Variants in GAB2 observed in about 807,000 individuals in gnomAD.
GAB2 encodes GRB2 associated binding protein 2.
Under a neutral mutation model 65.5 loss-of-function variants are expected in GAB2, and 26 were observed. The observed-to-expected ratio is 0.40, with a 90% CI of 0.29 to 0.55. The LOEUF is 0.55. Among genes scored for constraint, GAB2 ranks in the 20% least tolerant of loss-of-function variants. The pLI, the probability that GAB2 is intolerant of heterozygous loss-of-function variation, is 0.53. For synonymous variants in GAB2, 321 were observed against 329.6 expected (o/e 0.97, Z 0.28); for missense variants, 884 against 875.8 (o/e 1.01, Z -0.12).
intron 1 of GAB2, among the ~76,000 whole-genome samples, chr11:78,290,321 C>A (rs1308874341): frequency 6.6e-6 from 1 of 152,142 alleles, no homozygotes; most frequent in Admixed American, 6.5e-5. Context: ...CAAGGGTATG[C>A]CACTCCCATC....
Position 78,219,023 on chromosome 11 carries a change from G to A in GAB2, c.*249C>T. 2 of 483,150 alleles carry A rather than the reference G, an allele frequency of 4.1e-6. No individual in the cohort carries two copies. The highest frequency in any genetic ancestry group is 5.5e-4 in the Middle Eastern group (1 of 1,826). 29.9% of individuals were successfully genotyped at this position (483,150 alleles called of 1,614,324 possible). A position where few individuals can be genotyped will look rare whatever the true frequency, so the allele number is the denominator to read the frequency against. On this transcript the variant is annotated 3_prime_UTR_variant, in exon 10 of 10. Coordinates refer to ENST00000361507, the MANE Select transcript of GAB2 (RefSeq NM_080491.3). ...CTTTTTGGAAGTAGCTCCTAACTAA[G>A]GTGGGTGGAGGCATGGCCATTACTG...
chr11:78,287,305 G>T (rs147189165), intron 1 of GAB2, among the ~76,000 whole-genome samples: 86 of 152,296 alleles, frequency 5.6e-4, no homozygotes, highest in African/African-American at 2.0e-3. Flanking sequence ...CTGAGGCAGG[G>T]TCTCACTCTG....
At chr11:78,363,740 A>G (rs1856463401) in intron 1 of GAB2, among the ~76,000 whole-genome samples, 1 of 151,922 alleles carries the variant, frequency 6.6e-6, no homozygotes, top group African/African-American at 2.4e-5. Flanking sequence ...ACGCACTACT[A>G]TGACCCTGCT....
intron 1 of GAB2, among the ~76,000 whole-genome samples, chr11:78,352,573 T>A (rs1856295688): frequency 6.6e-6 from 1 of 152,202 alleles, no homozygotes; most frequent in South Asian, 2.1e-4. Flanking sequence ...AATTCATATT[T>A]TGTTCAGAGG....
In GAB2 at chr11:78,411,256, T is replaced by C. The variant is rs191686001; in HGVS notation, c.75+6390A>G. 1.2e-3 allele frequency among the ~76,000 whole-genome samples: 180 copies of C among 152,278 alleles called. 2 individuals are homozygous for C. The highest frequency in any genetic ancestry group is 3.4e-3 in the Middle Eastern group (1 of 294). ...AATTCATGGACTGGAAGATTTAATA[T>C]AGTAAAGCTGTAATTTCTTCCCAAA... On this transcript the variant is annotated intron_variant, in intron 1 of 9. Coordinates refer to ENST00000361507, the MANE Select transcript of GAB2 (RefSeq NM_080491.3).
intron 3 of GAB2, among the ~76,000 whole-genome samples, chr11:78,240,933 A>C (rs1865116213): frequency 6.6e-6 from 1 of 152,236 alleles, no homozygotes; most frequent in African/African-American, 2.4e-5. Context: ...CAATAGGTTC[A>C]TGAGACTCTG....
chr11:78,357,828 CA>C (rs1316364622), intron 1 of GAB2, among the ~76,000 whole-genome samples: 10 of 152,196 alleles, frequency 6.6e-5, no homozygotes, highest in Non-Finnish European at 1.3e-4. Context: ...GAAATAGGAA[CA>C]CTTTTACACT....
At chr11:78,414,575 C>T (rs1235204762) in intron 1 of GAB2, among the ~76,000 whole-genome samples, 2 of 152,112 alleles carry the variant, frequency 1.3e-5, no homozygotes, top group African/African-American at 4.8e-5. Flanking sequence ...TTTGCATGCA[C>T]GCGCATACAC....
chr11:78,392,755 C>T (rs1409439222), intron 1 of GAB2, among the ~76,000 whole-genome samples: 1 of 152,140 alleles, frequency 6.6e-6, no homozygotes, highest in African/African-American at 2.4e-5. Context: ...CATCTTTAGG[C>T]CTTTAAACTG....
intron 1 of GAB2, among the ~76,000 whole-genome samples, chr11:78,366,585 CAAAAAAAAAAAAAAA>C (rs33997665): frequency 3.0e-5 from 1 of 32,950 alleles, no homozygotes; most frequent in Non-Finnish European, 4.8e-5. Flanking sequence ...GACTCCATCT[CAAAAAAAAAAAAAAA>C]AAAAAAAAAG....
intron 3 of GAB2, among the ~76,000 whole-genome samples, chr11:78,238,206 CAAAAAAAA>C (rs10541492): frequency 1.9e-5 from 2 of 104,806 alleles, no homozygotes; most frequent in African/African-American, 3.6e-5. Context: ...AGGGAAGAAA[CAAAAAAAA>C]AAAAAAAAAA....
intron 1 of GAB2, among the ~76,000 whole-genome samples, chr11:78,378,639 T>C (rs1399250012): frequency 3.9e-5 from 6 of 152,172 alleles, no homozygotes; most frequent in African/African-American, 7.2e-5. Context: ...ACAGGATTCA[T>C]AGTCACTTTT....
chr11:78,287,691 C>T (rs1866524892), intron 1 of GAB2, among the ~76,000 whole-genome samples: 1 of 147,784 alleles, frequency 6.8e-6, no homozygotes, highest in South Asian at 2.1e-4. Flanking sequence ...CTCTGTTGCT[C>T]AGGGTGGAGT....
intron 1 of GAB2, among the ~76,000 whole-genome samples, chr11:78,401,449 T>C (rs1395596681): frequency 1.3e-5 from 2 of 152,072 alleles, no homozygotes; most frequent in Admixed American, 1.3e-4. Flanking sequence ...GGTTCATCTA[T>C]GTTGTATCAT....
intron 2 of GAB2, among the ~76,000 whole-genome samples, chr11:78,266,152 C>T (rs11237432): frequency 7.4e-6 from 1 of 135,566 alleles, no homozygotes; most frequent in Admixed American, 9.0e-5. Flanking sequence ...GTGGTGGAGG[C>T]TGCAGTGAGC....
At position 78,226,754 on chromosome 11, in the gene GAB2, G is replaced by A. The variant is rs2248407; in HGVS notation, c.918C>T (p.Phe306=). The A allele has an allele frequency of 0.19, 310,444 of 1,613,514 alleles. 34,267 individuals are homozygous for A. The highest frequency in any genetic ancestry group is 0.41 in the East Asian group (18,330 of 44,834). Residue 306 remains phenylalanine, a synonymous_variant, in exon 4 of 10, where the codon TTC becomes TTT. Coordinates refer to ENST00000361507, the MANE Select transcript of GAB2 (RefSeq NM_080491.3). ...CCATATTGTCTACCAGGAGGTCCCC[G>A]AACTCCCTGCACAGGGTGTTGCTGG... is the stretch of plus-strand genomic sequence containing the variant. ...KTPSNTLCRE[F]GDLLVDNMDV...
chr11:78,335,343 A>G (rs961994768), intron 1 of GAB2, among the ~76,000 whole-genome samples: 3 of 152,182 alleles, frequency 2.0e-5, no homozygotes, highest in African/African-American at 7.2e-5. Context: ...ATTTTCCCCA[A>G]TCAGTTCTTG....
In GAB2 at chr11:78,349,002, G is replaced by A. The variant is rs553776740; in HGVS notation, c.76-68101C>T. Reference sequence around the variant, plus strand: ...ATTTAGAGTGACAAAGAACAGAGGAGTGCTTGCCTGGGGCTAAGGGCAAAG... The same window carrying A: ...ATTTAGAGTGACAAAGAACAGAGGAATGCTTGCCTGGGGCTAAGGGCAAAG... On this transcript the variant is annotated intron_variant, in intron 1 of 9. Coordinates refer to ENST00000361507, the MANE Select transcript of GAB2 (RefSeq NM_080491.3). Among the ~76,000 whole-genome samples, 8 of 152,338 alleles carry A rather than the reference G, an allele frequency of 5.3e-5. No homozygotes were observed. In the South Asian group the frequency reaches 1.7e-3, roughly 32 times the overall value.
At chr11:78,411,445 T>A (rs1027516744) in intron 1 of GAB2, among the ~76,000 whole-genome samples, 3 of 152,156 alleles carry the variant, frequency 2.0e-5, no homozygotes, top group Non-Finnish European at 4.4e-5. Context: ...GCTACCAGAT[T>A]TCAAGACTTA....
Sources: allele counts gnomAD v4.1 joint callset (sites outside exome capture counted in the v4.1 genomes callset), GRCh38; gene constraint gnomAD v4.1.1; transcripts MANE v1.5; gene names NCBI Gene and HGNC (gene_info 2026-07-23, HGNC 2026-07-21).